Variants in COL8A1 observed in about 807,000 individuals in gnomAD.
COL8A1 encodes the protein collagen alpha-1(VIII) chain.
Under a neutral mutation model 42.7 loss-of-function variants are expected in COL8A1, and 21 were observed. That is an observed-to-expected ratio of 0.49 (90% CI 0.35 to 0.71). The LOEUF (loss-of-function observed/expected upper bound fraction) is 0.71. Ranked by LOEUF, COL8A1 falls within the 30% of genes least tolerant of loss-of-function variation. COL8A1 has a pLI of 0.01. For missense variants in COL8A1, 788 were observed against 962.4 expected, an observed-to-expected ratio of 0.82 and a Z score of 2.40; for synonymous variants, 367 against 369.1, an observed-to-expected ratio of 0.99 and a Z score of 0.06.
chr3:99,766,329 C>G (rs1352625857), intron 2 of COL8A1, among the ~76,000 whole-genome samples: 1 of 152,168 alleles, frequency 6.6e-6, no homozygotes, highest in East Asian at 1.9e-4. Context: ...CCCATAGGCT[C>G]TTTCCACCTT....
chr3:99,688,626 A>G (rs1240845570), intron 1 of COL8A1, among the ~76,000 whole-genome samples: 3 of 152,228 alleles, frequency 2.0e-5, no homozygotes, highest in East Asian at 3.8e-4. Context: ...GGATTGAGAC[A>G]TGAACATTTT....
At chr3:99,658,395 C>G (rs1230259244) in intron 1 of COL8A1, among the ~76,000 whole-genome samples, 1 of 152,190 alleles carries the variant, frequency 6.6e-6, no homozygotes, top group Non-Finnish European at 1.5e-5. Flanking sequence ...ACTCCCCAAG[C>G]ATTCCCAGAA....
intron 1 of COL8A1, among the ~76,000 whole-genome samples, chr3:99,687,659 A>G (rs745339028): frequency 6.6e-6 from 1 of 152,198 alleles, no homozygotes; most frequent in Non-Finnish European, 1.5e-5. Flanking sequence ...ACCAGGGAAA[A>G]CTGACACCAT....
At chr3:99,742,152 G>A (rs534347562) in intron 1 of COL8A1, among the ~76,000 whole-genome samples, 3 of 152,184 alleles carry the variant, frequency 2.0e-5, no homozygotes, top group Admixed American at 6.5e-5. Context: ...AATACTTTAA[G>A]TACTAAGTAT....
chr3:99,798,486 T>C lies in COL8A1; in HGVS notation c.*2350T>C, dbSNP rs1942139867. The C allele has an allele frequency of 6.6e-6, 1 of 152,240 alleles. No individual in the cohort carries two copies. Among genetic ancestry groups the C allele is most frequent in the African/African-American group, 2.4e-5 (1 of 41,470 alleles). The allele number at this position is 152,240 out of a possible 1,614,324, so 9.4% of individuals were successfully genotyped here. A position where few individuals can be genotyped will look rare whatever the true frequency, so the allele number is the denominator to read the frequency against. ...TGATTTGTAAAATTGTATTTATCTG[T>C]ACATGTATGGGCTTTTAATTCCCAC... On this transcript the variant is annotated 3_prime_UTR_variant, in exon 4 of 4. Transcript: ENST00000652472.
intron 2 of COL8A1, among the ~76,000 whole-genome samples, chr3:99,753,581 G>C (rs193283705): frequency 2.0e-3 from 309 of 152,280 alleles, no homozygotes; most frequent in African/African-American, 7.0e-3. Context: ...TTGCCATCTA[G>C]TGATGACTTT....
At chr3:99,726,234 T>C (rs570245501) in intron 1 of COL8A1, among the ~76,000 whole-genome samples, 23 of 152,240 alleles carry the variant, frequency 1.5e-4, no homozygotes, top group Non-Finnish European at 3.1e-4. Context: ...TATCTGTTCG[T>C]ATCCTGCACC....
chr3:99,674,087 T>C (rs1005262468), intron 1 of COL8A1, among the ~76,000 whole-genome samples: 4 of 152,098 alleles, frequency 2.6e-5, no homozygotes. Context: ...AACAATCCTA[T>C]GCTATCAACT....
intron 1 of COL8A1, chr3:99,703,675 C>A (rs1286966668): frequency 6.6e-6 from 1 of 152,182 alleles, no homozygotes; most frequent in Non-Finnish European, 1.5e-5. Flanking sequence ...GACTTTGTTT[C>A]GGTTACCAGA....
At chr3:99,650,925 G>A (rs919841422) in intron 1 of COL8A1, among the ~76,000 whole-genome samples, 1 of 152,152 alleles carries the variant, frequency 6.6e-6, no homozygotes, top group Non-Finnish European at 1.5e-5. Flanking sequence ...TCTATCCCCA[G>A]TGAATGCTAT....
intron 1 of COL8A1, among the ~76,000 whole-genome samples, chr3:99,743,570 C>G (rs189382884): frequency 8.1e-4 from 123 of 152,272 alleles, no homozygotes; most frequent in Non-Finnish European, 1.6e-3. Context: ...TAGAACTACA[C>G]TCTCTAATAT....
At chr3:99,661,236 TA>T (rs1938195455) in intron 1 of COL8A1, among the ~76,000 whole-genome samples, 1 of 152,166 alleles carries the variant, frequency 6.6e-6, no homozygotes, top group South Asian at 2.1e-4. Context: ...GAATATTTTT[TA>T]AAAACTCCTA....
At chr3:99,777,146 G>T (rs185554325) in intron 2 of COL8A1, among the ~76,000 whole-genome samples, 1 of 152,202 alleles carries the variant, frequency 6.6e-6, no homozygotes, top group South Asian at 2.1e-4. Context: ...GTAGGTCTCA[G>T]CCTTATTTCA....
chr3:99,758,674 G>A (rs1323728217), intron 2 of COL8A1, among the ~76,000 whole-genome samples: 1 of 152,160 alleles, frequency 6.6e-6, no homozygotes, highest in East Asian at 1.9e-4. Context: ...TCCATGTAGA[G>A]AAGACTGGGA....
intron 2 of COL8A1, among the ~76,000 whole-genome samples, chr3:99,751,002 T>C (rs1170549202): frequency 6.6e-6 from 1 of 152,228 alleles, no homozygotes; most frequent in East Asian, 1.9e-4. Context: ...ATCTTTGAGC[T>C]GGATAGAGTC....
At chr3:99,747,510 T>A (rs1479262381) in intron 2 of COL8A1, among the ~76,000 whole-genome samples, 1 of 152,230 alleles carries the variant, frequency 6.6e-6, no homozygotes, top group African/African-American at 2.4e-5. Context: ...CATATCTGTT[T>A]TATTAATCAA....
chr3:99,797,566 C>G lies in COL8A1; in HGVS notation c.*1430C>G, dbSNP rs1189667487. The G allele has an allele frequency of 6.6e-6, 1 of 152,134 alleles. No individual in the cohort carries two copies. The highest frequency in any genetic ancestry group is 1.5e-5 in the Non-Finnish European group (1 of 68,038). The allele number at this position is 152,134 out of a possible 1,614,324, so 9.4% of individuals were successfully genotyped here. A position where few individuals can be genotyped will look rare whatever the true frequency, so the allele number is the denominator to read the frequency against. On this transcript the variant is annotated 3_prime_UTR_variant, in exon 4 of 4. Coordinates refer to ENST00000652472, the MANE Select transcript of COL8A1 (RefSeq NM_020351.4). Reference sequence around the variant, plus strand: ...GGATTACAGGCATGAGCCACCGTGCCCGGCCAAAGTCAGCTTTCAAAATCC... The same window carrying G: ...GGATTACAGGCATGAGCCACCGTGCGCGGCCAAAGTCAGCTTTCAAAATCC...
intron 1 of COL8A1, among the ~76,000 whole-genome samples, chr3:99,688,020 T>C (rs1009027233): frequency 5.3e-5 from 8 of 152,212 alleles, no homozygotes; most frequent in Non-Finnish European, 8.8e-5. Flanking sequence ...TCAATATTCA[T>C]GCAAAATCCC....
chr3:99,711,599 G>A (rs1168773496), intron 1 of COL8A1, among the ~76,000 whole-genome samples: 1 of 152,076 alleles, frequency 6.6e-6, no homozygotes, highest in Non-Finnish European at 1.5e-5. Context: ...CCTAATACCT[G>A]GGGGATGTGG....
Sources: gnomAD v4.1 joint callset for allele counts (sites outside exome capture counted in the v4.1 genomes callset) on GRCh38, gnomAD v4.1.1 for gene constraint, MANE v1.5 for transcripts, NCBI Gene and HGNC (gene_info 2026-07-23, HGNC 2026-07-21) for gene names.